Variants in NRXN3 observed in about 807,000 individuals in gnomAD.
NRXN3 encodes neurexin III.
NRXN3 carries 32 observed loss-of-function variants against 137.6 expected under a neutral mutation model. The observed-to-expected ratio is 0.23, with a 90% CI of 0.18 to 0.31. The LOEUF (loss-of-function observed/expected upper bound fraction) is 0.31. Among genes scored for constraint, NRXN3 ranks in the 10% least tolerant of loss-of-function variants. The pLI is 1.00. For synonymous variants in NRXN3, 798 were observed against 784.5 expected (o/e 1.02, Z -0.29); for missense variants, 1,574 against 2,062.5 (o/e 0.76, Z 4.59).
intron 4 of NRXN3, among the ~76,000 whole-genome samples, chr14:78,438,729 G>A (rs559778344): frequency 1.6e-4 from 24 of 152,212 alleles, no homozygotes; most frequent in Non-Finnish European, 2.8e-4. Context: ...AATAACACTC[G>A]AGGGCTAAGA....
intron 4 of NRXN3, among the ~76,000 whole-genome samples, chr14:78,518,156 G>T (rs141961445): frequency 6.6e-6 from 1 of 152,228 alleles, no homozygotes; most frequent in African/African-American, 2.4e-5. Flanking sequence ...GGGAGTTAAG[G>T]CATATATGCC....
intron 17 of NRXN3, among the ~76,000 whole-genome samples, chr14:79,687,370 CAT>C (rs1418019053): frequency 3.3e-5 from 5 of 152,140 alleles, no homozygotes; most frequent in African/African-American, 1.2e-4. Context: ...CCTTTAGTGT[CAT>C]ATACTTTCTC....
intron 4 of NRXN3, among the ~76,000 whole-genome samples, chr14:78,338,854 G>A (rs1374510324): frequency 6.6e-6 from 1 of 152,158 alleles, no homozygotes; most frequent in African/African-American, 2.4e-5. Flanking sequence ...CTTCATTGTG[G>A]TTTCATTCAC....
At chr14:79,710,817 C>T (rs2098800891) in intron 19 of NRXN3, among the ~76,000 whole-genome samples, 1 of 152,176 alleles carries the variant, frequency 6.6e-6, no homozygotes, top group Admixed American at 6.5e-5. Context: ...ATTCCACAAA[C>T]ATTGGGTGTC....
intron 4 of NRXN3, among the ~76,000 whole-genome samples, chr14:78,644,272 A>G (rs936319773): frequency 2.6e-5 from 4 of 152,128 alleles, no homozygotes; most frequent in Non-Finnish European, 5.9e-5. Flanking sequence ...CAGTCTATGA[A>G]ATATTGTCTT....
At chr14:78,941,617 A>T in intron 10 of NRXN3, among the ~76,000 whole-genome samples, 1 of 152,052 alleles carries the variant, frequency 6.6e-6, no homozygotes, top group East Asian at 1.9e-4. Flanking sequence ...TTTTATATAA[A>T]CCCAGATAAG....
rs2099397946 is a variant in NRXN3, at chr14:79,854,289, T to C, written c.4094-7053T>C. 6 of 318,540 alleles carry C rather than the reference T, an allele frequency of 1.9e-5. 1 individual carries two copies. Among genetic ancestry groups the C allele is most frequent in the Middle Eastern group, 3.2e-3 (2 of 624 alleles). 19.7% of individuals were successfully genotyped at this position (318,540 alleles called of 1,614,324 possible). A position where few individuals can be genotyped will look rare whatever the true frequency, so the allele number is the denominator to read the frequency against. On this transcript the variant is annotated intron_variant, in intron 20 of 20. Coordinates refer to ENST00000335750, the MANE Select transcript of NRXN3 (RefSeq NM_001330195.2). The stretch of plus-strand genomic sequence containing the variant: ...ATTTTGCCTATATGGAAATGATTTC[T>C]TTTTTTCCCAGAACAGCTTCTATTT...
chr14:79,862,196 G>T lies in NRXN3; in HGVS notation c.*232G>T. On this transcript the variant is annotated 3_prime_UTR_variant, in exon 21 of 21. Coordinates refer to ENST00000335750, the MANE Select transcript of NRXN3 (RefSeq NM_001330195.2). ...GGCAAGGTCCCAGCGGTCGCTGGGAGACAGAAGGTTTTGTGCCCTGCTGTA... is the reference window on the plus strand; with the variant it reads ...GGCAAGGTCCCAGCGGTCGCTGGGATACAGAAGGTTTTGTGCCCTGCTGTA... 1 of 494,162 alleles carries T rather than the reference G, an allele frequency of 2.0e-6. No individual in the cohort carries two copies. The allele number at this position is 494,162 out of a possible 1,614,324, so 30.6% of individuals were successfully genotyped here. A position where few individuals can be genotyped will look rare whatever the true frequency, so the allele number is the denominator to read the frequency against.
rs1555726528 is a variant in NRXN3 at position 79,082,391 on chromosome 14, T to TTGTATGTG, written c.3262+94253_3262+94254insATGTGTGT. ...CCAAACTCCTGTGTATGCAAACTAATTGTGTGTGTGTGTGTGTGTGTGTGT... is the reference window on the plus strand; with the variant it reads ...CCAAACTCCTGTGTATGCAAACTAATTGTATGTGTGTGTGTGTGTGTGTGTGTGTGTGT... On this transcript the variant is annotated intron_variant, in intron 15 of 20. Transcript: ENST00000335750. 2.0e-5 allele frequency among the ~76,000 whole-genome samples: 3 copies of TTGTATGTG among 146,936 alleles called. No homozygotes were observed. The Admixed American group carries it at 2.0e-4, about 10-fold the overall frequency.
chr14:79,430,507 G>C (rs2095733839), intron 15 of NRXN3, among the ~76,000 whole-genome samples: 1 of 152,188 alleles, frequency 6.6e-6, no homozygotes, highest in Non-Finnish European at 1.5e-5. Context: ...TTGGCCTGCA[G>C]CTTTGGCAAA....
intron 4 of NRXN3, among the ~76,000 whole-genome samples, chr14:78,474,709 A>T (rs754021122): frequency 6.6e-6 from 1 of 152,212 alleles, no homozygotes. Flanking sequence ...GAGAGTAGAA[A>T]GTTCCCTACC....
At chr14:79,485,683 T>C (rs1005127619) in intron 16 of NRXN3, among the ~76,000 whole-genome samples, 2 of 126,296 alleles carry the variant, frequency 1.6e-5, no homozygotes. Flanking sequence ...TTCCAGGTAT[T>C]ACTGTGAGTA....
intron 19 of NRXN3, among the ~76,000 whole-genome samples, chr14:79,768,080 C>T (rs61992362): frequency 0.042 from 6,365 of 152,286 alleles, 146 homozygotes; most frequent in South Asian, 0.064. Flanking sequence ...TAAAAAATGG[C>T]GCACCAGGAG....
chr14:79,590,463 T>G (rs1050681474), intron 16 of NRXN3, among the ~76,000 whole-genome samples: 1 of 146,274 alleles, frequency 6.8e-6, no homozygotes, highest in African/African-American at 2.6e-5. Context: ...TAGTCAATAC[T>G]GAGTTGACTG....
intron 3 of NRXN3, among the ~76,000 whole-genome samples, chr14:78,295,537 A>C (rs956644105): frequency 1.3e-5 from 2 of 152,190 alleles, no homozygotes; most frequent in Admixed American, 1.3e-4. Context: ...AATTCCCCTT[A>C]GTGCATTTAT....
intron 15 of NRXN3, among the ~76,000 whole-genome samples, chr14:79,322,046 C>A (rs774379813): frequency 6.6e-6 from 1 of 151,926 alleles, no homozygotes; most frequent in Admixed American, 6.6e-5. Flanking sequence ...TCAGCCTGGG[C>A]AACACAGCAA....
intron 4 of NRXN3, among the ~76,000 whole-genome samples, chr14:78,519,227 T>A (rs2096253355): frequency 1.3e-5 from 2 of 152,130 alleles, no homozygotes; most frequent in Non-Finnish European, 2.9e-5. Flanking sequence ...AGTAAACATA[T>A]GTCTGTGATA....
intron 16 of NRXN3, among the ~76,000 whole-genome samples, chr14:79,529,249 C>T (rs1398484746): frequency 6.6e-6 from 1 of 152,152 alleles, no homozygotes; most frequent in Admixed American, 6.5e-5. Flanking sequence ...ACAGGGGCTG[C>T]ATGCACCGGT....
chr14:79,705,561 C>T (rs2098774513), intron 19 of NRXN3, among the ~76,000 whole-genome samples: 1 of 151,276 alleles, frequency 6.6e-6, no homozygotes, highest in South Asian at 2.1e-4. Context: ...TAGCAAACCC[C>T]CGTTAAATCT....
Sources: allele counts gnomAD v4.1 joint callset (sites outside exome capture counted in the v4.1 genomes callset), GRCh38; gene constraint gnomAD v4.1.1; transcripts MANE v1.5; gene names NCBI Gene and HGNC (gene_info 2026-07-23, HGNC 2026-07-21).